The following JAZF1 variants were observed in gnomAD, a reference collection of about 807,000 sequenced individuals.
JAZF1 encodes JAZF zinc finger 1.
A neutral mutation model predicts 26.4 loss-of-function variants in JAZF1; 8 were observed. The ratio of observed to expected loss-of-function variants is 0.30; its 90% CI spans 0.18 to 0.55. The LOEUF (loss-of-function observed/expected upper bound fraction) is 0.55, where lower values mean the gene tolerates loss of function less well. JAZF1 is among the 20% of genes least tolerant of loss of function. The pLI is 0.94. For missense variants in JAZF1, 199 were observed against 322.0 expected (o/e 0.62, Z 2.92); for synonymous variants, 126 against 122.3 (o/e 1.03, Z -0.20).
At chr7:28,167,044 T>A (rs561545516) in intron 1 of JAZF1, among the ~76,000 whole-genome samples, 6 of 152,296 alleles carry the variant, frequency 3.9e-5, no homozygotes, top group African/African-American at 1.4e-4. Flanking sequence ...ATCCTATCAG[T>A]GTTATAACAT....
chr7:28,009,547 G>A (rs7798584), intron 1 of JAZF1, among the ~76,000 whole-genome samples: 5,231 of 150,644 alleles, frequency 0.035, 329 homozygotes, highest in African/African-American at 0.12. Flanking sequence ...GCAGTGGCAC[G>A]ATCTCGGCTC....
chr7:28,175,228 G>A (rs1318797504), intron 1 of JAZF1, among the ~76,000 whole-genome samples: 3 of 152,300 alleles, frequency 2.0e-5, no homozygotes, highest in East Asian at 1.9e-4. Flanking sequence ...GCCAGAGGCT[G>A]CAACACCAGC....
At chr7:28,143,261 T>A (rs1442295832) in intron 1 of JAZF1, among the ~76,000 whole-genome samples, 1 of 152,172 alleles carries the variant, frequency 6.6e-6, no homozygotes, top group Non-Finnish European at 1.5e-5. Context: ...CTGATACTTG[T>A]GTGTCTTCAG....
At chr7:28,012,815 C>T (rs1266364601) in intron 1 of JAZF1, among the ~76,000 whole-genome samples, 2 of 152,222 alleles carry the variant, frequency 1.3e-5, no homozygotes, top group African/African-American at 4.8e-5. Context: ...TCTTCTCCTC[C>T]ATGAGTCATT....
At chr7:28,113,776 T>C (rs2127934467) in intron 1 of JAZF1, among the ~76,000 whole-genome samples, 1 of 152,310 alleles carries the variant, frequency 6.6e-6, no homozygotes, top group Non-Finnish European at 1.5e-5. Flanking sequence ...TACTTTCTAC[T>C]ACACTACTAG....
chr7:28,093,959 T>G (rs1051638793), intron 1 of JAZF1, among the ~76,000 whole-genome samples: 1 of 152,232 alleles, frequency 6.6e-6, no homozygotes, highest in East Asian at 1.9e-4. Flanking sequence ...TGACCCTCCC[T>G]CTTCAGTATT....
In JAZF1 at chr7:28,169,798, T is replaced by C. The variant is rs74936647; in HGVS notation, c.115+10665A>G. 6.5e-3 allele frequency among the ~76,000 whole-genome samples: 993 copies of C among 152,354 alleles called. 14 individuals carry two copies. The highest frequency in any genetic ancestry group is 9.2e-3 in the Non-Finnish European group (625 of 68,028). On this transcript the variant is annotated intron_variant, in intron 1 of 4. Transcript: ENST00000283928. ...AACTGTACAAGTATGCCTCTACAGA[T>C]TCCCCTGCTTTTGCCATTACTTTCA...
At chr7:27,851,888 G>T (rs1337548705) in intron 3 of JAZF1, among the ~76,000 whole-genome samples, 2 of 151,550 alleles carry the variant, frequency 1.3e-5, no homozygotes, top group Non-Finnish European at 2.9e-5. Flanking sequence ...GCCAGTGGAG[G>T]GTGTGTGTTC....
At chr7:28,117,783 C>T (rs1466169079) in intron 1 of JAZF1, among the ~76,000 whole-genome samples, 5 of 152,188 alleles carry the variant, frequency 3.3e-5, no homozygotes, top group Non-Finnish European at 7.3e-5. Context: ...GCATTTATCA[C>T]ATCATCAACA....
At chr7:27,864,510 T>A (rs1458309585) in intron 3 of JAZF1, among the ~76,000 whole-genome samples, 1 of 152,138 alleles carries the variant, frequency 6.6e-6, no homozygotes, top group Non-Finnish European at 1.5e-5. Context: ...TTTGCCCGGC[T>A]CAGAGCCTAC....
intron 3 of JAZF1, among the ~76,000 whole-genome samples, chr7:27,883,810 T>C (rs1277074453): frequency 1.3e-5 from 2 of 152,226 alleles, no homozygotes; most frequent in Admixed American, 6.5e-5. Context: ...AGCCCTTCTT[T>C]ATCTTTTCTT....
At chr7:28,131,342 C>T (rs989210639) in intron 1 of JAZF1, among the ~76,000 whole-genome samples, 11 of 151,766 alleles carry the variant, frequency 7.2e-5, no homozygotes, top group African/African-American at 2.4e-4. Context: ...ATGAGTATAC[C>T]TGACTGTACA....
chr7:28,048,798 C>T (rs933356451), intron 1 of JAZF1, among the ~76,000 whole-genome samples: 1 of 152,076 alleles, frequency 6.6e-6, no homozygotes, highest in African/African-American at 2.4e-5. Flanking sequence ...TGTAGTATAA[C>T]CATACAATGG....
intron 3 of JAZF1, among the ~76,000 whole-genome samples, chr7:27,853,450 C>T (rs1021001636): frequency 1.3e-5 from 2 of 152,042 alleles, no homozygotes; most frequent in African/African-American, 2.4e-5. Context: ...TCTGAGTGAG[C>T]GTGTGGGTGG....
At chr7:28,116,601 C>T (rs1784746757) in intron 1 of JAZF1, among the ~76,000 whole-genome samples, 1 of 148,372 alleles carries the variant, frequency 6.7e-6, no homozygotes. Context: ...TGCCACTACG[C>T]CCGGCTAATT....
At chr7:28,130,068 C>T (rs569409612) in intron 1 of JAZF1, among the ~76,000 whole-genome samples, 2 of 152,012 alleles carry the variant, frequency 1.3e-5, no homozygotes, top group South Asian at 4.2e-4. Flanking sequence ...GTCACTTGTA[C>T]AAGTATGCTA....
intron 2 of JAZF1, among the ~76,000 whole-genome samples, chr7:27,969,469 C>G (rs1785336431): frequency 6.6e-6 from 1 of 151,980 alleles, no homozygotes; most frequent in South Asian, 2.1e-4. Context: ...TGTTGAACAT[C>G]ACGTTTATGG....
chr7:28,126,379 AG>A (rs1039807243), intron 1 of JAZF1, among the ~76,000 whole-genome samples: 1 of 152,116 alleles, frequency 6.6e-6, no homozygotes, highest in African/African-American at 2.4e-5. Context: ...AATTTCGGGT[AG>A]TGATAAGAGC....
chr7:28,168,584 A>C (rs1335172667), intron 1 of JAZF1, among the ~76,000 whole-genome samples: 1 of 152,142 alleles, frequency 6.6e-6, no homozygotes, highest in Non-Finnish European at 1.5e-5. Context: ...CACTGCATTG[A>C]ACTTGGTTAC....
Sources: allele counts gnomAD v4.1 joint callset (sites outside exome capture counted in the v4.1 genomes callset), GRCh38; gene constraint gnomAD v4.1.1; transcripts MANE v1.5; gene names NCBI Gene and HGNC (gene_info 2026-07-23, HGNC 2026-07-21).